Variants in TCF4 observed in about 807,000 individuals in gnomAD.
The protein encoded by TCF4 is transcription factor 4, also known as SL3-3 enhancer factor 2.
A neutral mutation model predicts 82.1 loss-of-function variants in TCF4; 3 were observed. The ratio of observed to expected loss-of-function variants is 0.04; its 90% CI spans 0.02 to 0.09. The LOEUF is 0.09. Ranked by LOEUF, TCF4 falls within the 10% of genes least tolerant of loss-of-function variation. The pLI, the probability that TCF4 is intolerant of heterozygous loss-of-function variation, is 1.00. For missense variants in TCF4, 518 were observed against 852.7 expected, an observed-to-expected ratio of 0.61 and a Z score of 4.89; for synonymous variants, 276 against 309.6, an observed-to-expected ratio of 0.89 and a Z score of 1.14.
chr18:55,358,261 T>C (rs1176336918), intron 6 of TCF4, among the ~76,000 whole-genome samples: 1 of 152,368 alleles, frequency 6.6e-6, no homozygotes, highest in Admixed American at 6.5e-5. Context: ...CTTAAATAAC[T>C]ACTGTGCTTC....
intron 8 of TCF4, among the ~76,000 whole-genome samples, chr18:55,346,153 T>C (rs1372364082): frequency 2.6e-5 from 4 of 152,192 alleles, no homozygotes; most frequent in Non-Finnish European, 5.9e-5. Flanking sequence ...TACTCATTTT[T>C]CTTGATACCC....
chr18:55,266,819 C>T (rs570392376), intron 11 of TCF4: 1 of 152,350 alleles, frequency 6.6e-6, no homozygotes, highest in South Asian at 2.1e-4. Context: ...TGGGCATCTT[C>T]CACCTTTGAG....
chr18:55,344,526 A>C (rs1408793367), intron 8 of TCF4, among the ~76,000 whole-genome samples: 1 of 152,176 alleles, frequency 6.6e-6, no homozygotes, highest in African/African-American at 2.4e-5. Context: ...TGAAAATGAT[A>C]AAGTTCAAAA....
intron 6 of TCF4, among the ~76,000 whole-genome samples, chr18:55,385,005 A>C (rs796442123): frequency 5.9e-5 from 9 of 152,272 alleles, no homozygotes; most frequent in African/African-American, 2.2e-4. Context: ...GACAAAAAAC[A>C]ACCTCTCTTT....
At chr18:55,622,852 T>C (rs1017420971) in intron 2 of TCF4, among the ~76,000 whole-genome samples, 4 of 149,856 alleles carry the variant, frequency 2.7e-5, no homozygotes, top group Non-Finnish European at 4.4e-5. Context: ...GAGAGTTCTC[T>C]ATCAGATTTA....
intron 2 of TCF4, among the ~76,000 whole-genome samples, chr18:55,630,883 A>G (rs1395991786): frequency 6.6e-6 from 1 of 152,154 alleles, no homozygotes; most frequent in African/African-American, 2.4e-5. Context: ...TGCAGATAGG[A>G]GCATCAGCAT....
intron 6 of TCF4, among the ~76,000 whole-genome samples, chr18:55,374,063 A>T (rs962051017): frequency 6.6e-6 from 1 of 152,152 alleles, no homozygotes; most frequent in African/African-American, 2.4e-5. Context: ...GTAACTCTTG[A>T]ACTACACAAG....
chr18:55,569,851 C>A (rs1047480372), intron 3 of TCF4, among the ~76,000 whole-genome samples: 1 of 151,972 alleles, frequency 6.6e-6, no homozygotes, highest in African/African-American at 2.4e-5. Flanking sequence ...AGTTTCCATG[C>A]AACTTCAATA....
chr18:55,456,461 T>A (rs1312693010), intron 5 of TCF4, among the ~76,000 whole-genome samples: 1 of 152,212 alleles, frequency 6.6e-6, no homozygotes, highest in East Asian at 1.9e-4. Flanking sequence ...TAGCCAAATG[T>A]ACAAAAGTAT....
intron 2 of TCF4, among the ~76,000 whole-genome samples, chr18:55,597,440 G>A (rs563852694): frequency 3.9e-5 from 6 of 152,150 alleles, no homozygotes; most frequent in East Asian, 1.9e-4. Flanking sequence ...TGAGGTGGGC[G>A]GATCACCTGA....
chr18:55,316,638 G>A (rs927699137), intron 8 of TCF4, among the ~76,000 whole-genome samples: 15 of 152,128 alleles, frequency 9.9e-5, no homozygotes, highest in African/African-American at 2.6e-4. Context: ...AAAAAAAGCC[G>A]AACAGGGGAT....
At chr18:55,366,404 A>G (rs1285293742) in intron 6 of TCF4, among the ~76,000 whole-genome samples, 1 of 152,238 alleles carries the variant, frequency 6.6e-6, no homozygotes, top group African/African-American at 2.4e-5. Flanking sequence ...GCTGTTTCAG[A>G]CTTCACTGGA....
chr18:55,439,866 G>A (rs886479800), intron 5 of TCF4, among the ~76,000 whole-genome samples: 6 of 152,174 alleles, frequency 3.9e-5, no homozygotes, highest in African/African-American at 1.4e-4. Context: ...GGGACTACAG[G>A]CACGTGCCAC....
intron 10 of TCF4, among the ~76,000 whole-genome samples, chr18:55,274,194 T>C (rs1232685400): frequency 6.6e-6 from 1 of 152,142 alleles, no homozygotes; most frequent in African/African-American, 2.4e-5. Context: ...ATAATAATAG[T>C]TGATATAGTT....
intron 6 of TCF4, among the ~76,000 whole-genome samples, chr18:55,359,996 G>C (rs1159308383): frequency 1.3e-5 from 2 of 152,190 alleles, no homozygotes; most frequent in South Asian, 2.1e-4. Flanking sequence ...AAAGGGCCCG[G>C]TTCTAAAAAG....
At chr18:55,401,394 C>G in intron 6 of TCF4, 1 of 1,099,660 alleles carries the variant, frequency 9.1e-7, no homozygotes, top group Non-Finnish European at 1.1e-6. Flanking sequence ...ATGAAGGAAT[C>G]TCCACACTCC....
intron 3 of TCF4, among the ~76,000 whole-genome samples, chr18:55,467,225 C>G (rs1281314796): frequency 6.6e-6 from 1 of 152,156 alleles, no homozygotes; most frequent in Non-Finnish European, 1.5e-5. Flanking sequence ...AATGGTAATT[C>G]ATAATGAATG....
chr18:55,234,827 C>T (rs2048892119), intron 15 of TCF4, 144 bp from the exon 16 acceptor site: 2 of 1,107,488 alleles, frequency 1.8e-6, no homozygotes, highest in African/African-American at 1.5e-5. Context: ...TGAAGGACCG[C>T]ACATGCACCT....
At chr18:55,575,594 T>C (rs1337718067) in intron 3 of TCF4, among the ~76,000 whole-genome samples, 3 of 152,182 alleles carry the variant, frequency 2.0e-5, no homozygotes, top group South Asian at 2.1e-4. Context: ...TTTTACTCTA[T>C]ACCAAGCACA....
Sources: gnomAD v4.1 joint callset for allele counts (sites outside exome capture counted in the v4.1 genomes callset) on GRCh38, gnomAD v4.1.1 for gene constraint, MANE v1.5 for transcripts, NCBI Gene and HGNC (gene_info 2026-07-23, HGNC 2026-07-21) for gene names.